The following RAB17 variants were observed in gnomAD, a reference collection of about 807,000 sequenced individuals.
RAB17 encodes RAB17, member RAS oncogene family, also known as ras-related protein Rab-17.
In RAB17, 15 loss-of-function variants were observed where a neutral mutation model predicts 19.3. The observed-to-expected ratio is 0.78, with a 90% CI of 0.52 to 1.20. RAB17 has a LOEUF of 1.20. Ranked by LOEUF, RAB17 falls within the 50% of genes most tolerant of loss-of-function variation. The probability of loss-of-function intolerance (pLI) is 0.00; values close to 1 mark genes in which losing one functional copy is unlikely to be tolerated. For missense variants in RAB17, 262 were observed against 269.3 expected, an observed-to-expected ratio of 0.97 and a Z score of 0.19; for synonymous variants, 110 against 112.8, an observed-to-expected ratio of 0.97 and a Z score of 0.16.
In RAB17 at chr2:237,577,257, C is replaced by G. The variant is rs2081272582; in HGVS notation, c.435G>C (p.Gln145His). 6.2e-7 allele frequency: 1 copy of G among 1,612,278 alleles called. No homozygotes were observed. The change falls in exon 4 of 6, where the codon CAG becomes CAC. Residue 145 changes from glutamine (Q) to histidine (H), a missense_variant and splice_region_variant. Physicochemically the swap from Gln to His is conservative, Grantham distance 24 (BLOSUM62 0). Transcript: ENST00000264601. Reference sequence around the variant, plus strand: ...CAGAGCAGGGTCTCCTGGGCGGTACCTGGAAGGTCACCTCCCGCTCCTGGC... The same window carrying G: ...CAGAGCAGGGTCTCCTGGGCGGTACGTGGAAGGTCACCTCCCGCTCCTGGC... ...DLSQEREVTF[Q>H]EGKEFADSQK...
At chr2:237,575,596 C>CCA in intron 4 of RAB17, 116 bp from the exon 5 acceptor site, 1 of 740,704 alleles carries the variant, frequency 1.4e-6, no homozygotes, top group Non-Finnish European at 2.3e-6. Context: ...CCGCACTCCT[C>CCA]CACGTTTCGT....
At chr2:237,575,827 C>T (rs1026550282) in intron 4 of RAB17, 5 of 274,248 alleles carry the variant, frequency 1.8e-5, no homozygotes, top group Non-Finnish European at 3.5e-5. Flanking sequence ...ACCCAGGAAA[C>T]ATGAGGCAGA....
At chr2:237,585,910 G>A (rs2081346118) in intron 2 of RAB17, 88 bp downstream of exon 2, 1 of 1,377,874 alleles carries the variant, frequency 7.3e-7, no homozygotes. Flanking sequence ...TTCCTAGGTG[G>A]GCCTCGTCCC....
At chr2:237,586,221 C>G in intron 1 of RAB17, 64 bp from the exon 2 acceptor site, 1 of 1,503,862 alleles carries the variant, frequency 6.6e-7, no homozygotes, top group Non-Finnish European at 8.9e-7. Context: ...TCAGCAAGCT[C>G]AACCCCGGGG....
chr2:237,582,088 C>A (rs960051761), intron 2 of RAB17, among the ~76,000 whole-genome samples: 1 of 150,312 alleles, frequency 6.7e-6, no homozygotes, highest in Non-Finnish European at 1.5e-5. Flanking sequence ...ACTTGGACTC[C>A]CGTCCCTCGG....
chr2:237,578,133 C>T lies in RAB17; in HGVS notation c.180G>A (p.Val60=), dbSNP rs1412867660. 4 of 1,613,086 alleles carry T rather than the reference C, an allele frequency of 2.5e-6. No individual in the cohort carries two copies. The highest frequency in any genetic ancestry group is 1.7e-5 in the Admixed American group (1 of 59,980). ...TVGCAFFTKV[V]DVGATSLKLE... The stretch of plus-strand genomic sequence containing the variant: ...GCTTCAGAGAGGTGGCACCCACATC[C>T]ACCACCTTTGTGAAGAACGCACCTG... Residue 60 remains valine (V), a synonymous_variant, in exon 3 of 6, where the codon GTG becomes GTA. Coordinates refer to ENST00000264601, the MANE Select transcript of RAB17 (RefSeq NM_022449.4).
At chr2:237,586,365 C>G (rs1215151646) in intron 1 of RAB17, among the ~76,000 whole-genome samples, 1 of 152,140 alleles carries the variant, frequency 6.6e-6, no homozygotes, top group South Asian at 2.1e-4. Flanking sequence ...ATTTTTAGGT[C>G]TGTGGTAAGG....
chr2:237,578,204 A>T, intron 2 of RAB17, 49 bp from the exon 3 acceptor site: 1 of 1,562,300 alleles, frequency 6.4e-7, no homozygotes, highest in African/African-American at 1.4e-5. Context: ...AGGTTGCCAC[A>T]TGCGGCTCAG....
In RAB17 at chr2:237,584,163, G is replaced by T. The variant is rs76111411; in HGVS notation, c.157+1835C>A. Among the ~76,000 whole-genome samples, 90 of 152,086 alleles carry T rather than the reference G, an allele frequency of 5.9e-4. 1 individual carries two copies. The highest frequency in any genetic ancestry group is 2.1e-3 in the African/African-American group (86 of 41,492). ...ACAGAATGCCCGGCACCACCCTGAA[G>T]CTTCACAGACCCCACACATCACCCC... On this transcript the variant is annotated intron_variant, in intron 2 of 5. Transcript: ENST00000264601.
chr2:237,575,152 C>CT, intron 5 of RAB17, 24 bp from the exon 6 acceptor site: 1 of 1,594,122 alleles, frequency 6.3e-7, no homozygotes, highest in Non-Finnish European at 8.6e-7. Flanking sequence ...GAGGAGGGGG[C>CT]TGGCTAGGGA....
At position 237,574,627 on chromosome 2, in the gene RAB17, G is replaced by T; in HGVS notation, c.*392C>A. ...ACCCCCCAGAAGCAGGTGGGCCCAG[G>T]CTCCAGGCCAGTGCCCCCATCAAGA... On this transcript the variant is annotated 3_prime_UTR_variant, in exon 6 of 6. Coordinates refer to ENST00000264601, the MANE Select transcript of RAB17 (RefSeq NM_022449.4). 3.3e-6 allele frequency: 5 copies of T among 1,511,646 alleles called. No homozygotes were observed. The highest frequency in any genetic ancestry group is 4.4e-6 in the Non-Finnish European group (5 of 1,127,228). The allele number at this position is 1,511,646 out of a possible 1,614,324, so 93.6% of individuals were successfully genotyped here.
chr2:237,576,705 G>C (rs1299111913), intron 4 of RAB17: 1 of 471,230 alleles, frequency 2.1e-6, no homozygotes, highest in Admixed American at 2.3e-5. Context: ...ATGTGGTGGG[G>C]GAGGTGGGAT....
In RAB17 at chr2:237,574,683, GT is replaced by G. The variant is rs1423507430; in HGVS notation, c.*335del. 9 of 1,442,592 alleles carry G rather than the reference GT, an allele frequency of 6.2e-6. No individual in the cohort carries two copies. In the African/African-American group the frequency reaches 1.3e-4, roughly 21 times the overall value. 89.4% of individuals were successfully genotyped at this position (1,442,592 alleles called of 1,614,324 possible). A position where few individuals can be genotyped will look rare whatever the true frequency, so the allele number is the denominator to read the frequency against. On this transcript the variant is annotated 3_prime_UTR_variant, in exon 6 of 6. Coordinates refer to ENST00000264601, the MANE Select transcript of RAB17 (RefSeq NM_022449.4). ...CGTAAGGCATCTTCCCACCGTCGCTGTGCTGCGGGGACTTTTCCAATCCTTC... is the reference window on the plus strand; with the variant it reads ...CGTAAGGCATCTTCCCACCGTCGCTGGCTGCGGGGACTTTTCCAATCCTTC...
intron 5 of RAB17, 115 bp from the exon 6 acceptor site, chr2:237,575,243 A>G: frequency 9.6e-7 from 1 of 1,044,524 alleles, no homozygotes; most frequent in Non-Finnish European, 1.4e-6. Context: ...TGAACCATAG[A>G]ACAAGGGCCT....
chr2:237,583,579 G>A (rs976589813), intron 2 of RAB17, among the ~76,000 whole-genome samples: 2 of 152,160 alleles, frequency 1.3e-5, no homozygotes, highest in Admixed American at 1.3e-4. Flanking sequence ...CCCCAGGGTT[G>A]GAGGCTGATG....
chr2:237,590,020 A>G (rs2081380958), intron 1 of RAB17, among the ~76,000 whole-genome samples: 1 of 152,212 alleles, frequency 6.6e-6, no homozygotes, highest in South Asian at 2.1e-4. Flanking sequence ...CATCTGATAC[A>G]GAAAACACAA....
intron 2 of RAB17, among the ~76,000 whole-genome samples, chr2:237,583,881 CCAGA>C (rs1323812243): frequency 2.6e-5 from 4 of 152,036 alleles, no homozygotes; most frequent in African/African-American, 9.7e-5. Flanking sequence ...CCCTGCGGGG[CCAGA>C]CAGAGGACCA....
intron 1 of RAB17, among the ~76,000 whole-genome samples, chr2:237,587,054 C>T (rs2081356350): frequency 6.6e-6 from 1 of 152,156 alleles, no homozygotes. Context: ...GTCCTATGAA[C>T]TCTGTATTTT....
At chr2:237,578,429 C>T (rs961111863) in intron 2 of RAB17, 10 of 329,686 alleles carry the variant, frequency 3.0e-5, no homozygotes, top group African/African-American at 1.9e-4. Context: ...TACAAAAGCT[C>T]TGGGCTACAT....
Sources: allele counts gnomAD v4.1 joint callset (sites outside exome capture counted in the v4.1 genomes callset), GRCh38; gene constraint gnomAD v4.1.1; transcripts MANE v1.5; gene names NCBI Gene and HGNC (gene_info 2026-07-23, HGNC 2026-07-21).